The following TMEM117 variants were observed in gnomAD, a reference collection of about 807,000 sequenced individuals.
The protein encoded by TMEM117 is transmembrane protein 117.
A neutral mutation model predicts 52.4 loss-of-function variants in TMEM117; 27 were observed. The observed-to-expected ratio is 0.51, with a 90% CI of 0.38 to 0.71. The LOEUF (loss-of-function observed/expected upper bound fraction) is 0.71, where lower values mean the gene tolerates loss of function less well. Among genes scored for constraint, TMEM117 ranks in the 30% least tolerant of loss-of-function variants. The pLI is 0.00. For synonymous variants in TMEM117, 215 were observed against 206.3 expected (o/e 1.04, Z -0.36); for missense variants, 556 against 630.5 (o/e 0.88, Z 1.26).
intron 3 of TMEM117, among the ~76,000 whole-genome samples, chr12:43,965,277 T>C (rs1390117608): frequency 2.0e-5 from 3 of 152,240 alleles, no homozygotes; most frequent in Non-Finnish European, 4.4e-5. Flanking sequence ...TTGAGCCTTA[T>C]CTTGACATTT....
intron 5 of TMEM117, among the ~76,000 whole-genome samples, chr12:44,237,299 C>T (rs73274103): frequency 0.019 from 2,890 of 151,894 alleles, 81 homozygotes; most frequent in African/African-American, 0.066. Context: ...CTGAAGCCCC[C>T]GGACGTTGTT....
intron 6 of TMEM117, among the ~76,000 whole-genome samples, chr12:44,354,913 ATCTTC>A (rs1482489189): frequency 2.0e-5 from 3 of 152,128 alleles, no homozygotes; most frequent in Admixed American, 2.0e-4. Flanking sequence ...GAAATTTTAT[ATCTTC>A]TAAATTCTTT....
At chr12:43,845,590 T>C (rs1375921919) in intron 2 of TMEM117, among the ~76,000 whole-genome samples, 4 of 151,980 alleles carry the variant, frequency 2.6e-5, no homozygotes, top group African/African-American at 9.7e-5. Flanking sequence ...AGGTGCACAA[T>C]GTGCAGGTTT....
intron 5 of TMEM117, among the ~76,000 whole-genome samples, chr12:44,262,631 T>C (rs1950332967): frequency 2.0e-5 from 3 of 152,212 alleles, no homozygotes; most frequent in South Asian, 4.1e-4. Flanking sequence ...TGCATGAGGT[T>C]CATTTACTTA....
At chr12:43,825,667 A>G in the TMEM117 span, among the ~76,000 whole-genome samples, 2,275 of 152,260 alleles carry the variant, frequency 0.015, 31 homozygotes, top group Non-Finnish European at 0.02. Context: ...TAGGAAGAGC[A>G]GTAACATGAA....
At chr12:44,150,531 A>G (rs1299082733) in intron 4 of TMEM117, among the ~76,000 whole-genome samples, 2 of 152,186 alleles carry the variant, frequency 1.3e-5, no homozygotes, top group Admixed American at 1.3e-4. Flanking sequence ...AAAATTAATA[A>G]TAATCAGTTT....
At chr12:44,332,113 G>A (rs973792474) in intron 6 of TMEM117, among the ~76,000 whole-genome samples, 1 of 151,986 alleles carries the variant, frequency 6.6e-6, no homozygotes, top group Admixed American at 6.6e-5. Context: ...CCAAGTCCCA[G>A]AGAAGACACA....
intron 3 of TMEM117, among the ~76,000 whole-genome samples, chr12:44,137,629 A>G (rs1441980131): frequency 6.6e-6 from 1 of 152,148 alleles, no homozygotes; most frequent in African/African-American, 2.4e-5. Flanking sequence ...GAAAGCAAGG[A>G]GGAGCAAGTC....
rs532331241 is a variant in TMEM117 at position 43,950,844 on chromosome 12, A to ATT, written c.410+6503_410+6504insTT. On this transcript the variant is annotated intron_variant, in intron 3 of 7. Transcript: ENST00000266534. ...TGATCTCTTGTGGAACAAAGGGAAG[A>ATT]TGGTGGGAGGGGCCAAGATGGCCGA... Among the ~76,000 whole-genome samples the ATT allele has an allele frequency of 1.6e-3, 238 of 152,308 alleles. 1 individual carries two copies. Among genetic ancestry groups the ATT allele is most frequent in the Non-Finnish European group, 2.9e-3 (198 of 68,022 alleles).
rs571285336 is a variant in TMEM117, at chr12:44,223,041, GTCT to G, written c.608+11662_608+11664del. 2.7e-4 allele frequency among the ~76,000 whole-genome samples: 39 copies of G among 147,130 alleles called. No homozygotes were observed. In the East Asian group the frequency reaches 5.6e-3, roughly 21 times the overall value. ...TCCTTTTTTTTTTTTTTTAGTGCTA[GTCT>G]TCTTCTTTTAACTTTTATTTTAAGT... On this transcript the variant is annotated intron_variant, in intron 5 of 7. Coordinates refer to ENST00000266534, the MANE Select transcript of TMEM117 (RefSeq NM_032256.3).
intron 2 of TMEM117, among the ~76,000 whole-genome samples, chr12:43,919,606 T>G (rs1264872861): frequency 6.6e-6 from 1 of 152,202 alleles, no homozygotes; most frequent in African/African-American, 2.4e-5. Context: ...GCAGTGAACA[T>G]GGGGATGCAG....
At chr12:44,306,959 T>A (rs1050971301) in intron 6 of TMEM117, among the ~76,000 whole-genome samples, 11 of 152,224 alleles carry the variant, frequency 7.2e-5, no homozygotes, top group African/African-American at 2.7e-4. Flanking sequence ...AAAGCAATTG[T>A]TAATGCACTG....
At position 44,031,766 on chromosome 12, in the gene TMEM117, A is replaced by G. The variant is rs191652203; in HGVS notation, c.410+87424A>G. ...GTCCATAATTTAGAAACTATTTGTG[A>G]GTATCCTTAATTTATGGCAATGTAG... On this transcript the variant is annotated intron_variant, in intron 3 of 7. Transcript: ENST00000266534. 2.7e-3 allele frequency among the ~76,000 whole-genome samples: 417 copies of G among 152,314 alleles called. 4 individuals are homozygous for G. The highest frequency in any genetic ancestry group is 9.5e-3 in the African/African-American group (393 of 41,578).
intron 3 of TMEM117, among the ~76,000 whole-genome samples, chr12:44,106,154 G>T (rs1228907850): frequency 6.6e-6 from 1 of 152,054 alleles, no homozygotes; most frequent in Non-Finnish European, 1.5e-5. Flanking sequence ...GCAGCAGCTT[G>T]CACTTCTCTG....
intron 3 of TMEM117, among the ~76,000 whole-genome samples, chr12:43,974,906 T>C (rs760175595): frequency 2.0e-5 from 3 of 152,130 alleles, no homozygotes; most frequent in Admixed American, 6.6e-5. Flanking sequence ...TCCCTACCTA[T>C]GAAAATGTAG....
intron 5 of TMEM117, among the ~76,000 whole-genome samples, chr12:44,222,264 A>G (rs11615473): frequency 0.26 from 39,813 of 151,996 alleles, 9,297 homozygotes; most frequent in African/African-American, 0.63. Context: ...GGGTCTTTGA[A>G]TCCAGGCCTT....
chr12:43,974,900 T>C (rs1291167610), intron 3 of TMEM117, among the ~76,000 whole-genome samples: 1 of 152,140 alleles, frequency 6.6e-6, no homozygotes, highest in Non-Finnish European at 1.5e-5. Flanking sequence ...CTAACATCCC[T>C]ACCTATGAAA....
chr12:44,123,964 T>C (rs1424091086), intron 3 of TMEM117, among the ~76,000 whole-genome samples: 1 of 152,232 alleles, frequency 6.6e-6, no homozygotes, highest in East Asian at 1.9e-4. Flanking sequence ...TTAATGGGAA[T>C]AGAATTTAAT....
intron 3 of TMEM117, among the ~76,000 whole-genome samples, chr12:43,958,819 G>GTTTA (rs1945350925): frequency 6.6e-6 from 1 of 151,692 alleles, no homozygotes; most frequent in South Asian, 2.1e-4. Context: ...TTGTTTGTTT[G>GTTTA]TTTTTGAGAC....
Sources: gnomAD v4.1 joint callset for allele counts (sites outside exome capture counted in the v4.1 genomes callset) on GRCh38, gnomAD v4.1.1 for gene constraint, MANE v1.5 for transcripts, NCBI Gene and HGNC (gene_info 2026-07-23, HGNC 2026-07-21) for gene names.